The following LMBR1 variants were observed in gnomAD, a reference collection of about 807,000 sequenced individuals.
LMBR1 encodes limb development membrane protein 1.
Under a neutral mutation model 73.9 loss-of-function variants are expected in LMBR1, and 52 were observed. That is an observed-to-expected ratio of 0.70 (90% CI 0.56 to 0.89). The LOEUF is 0.89. Among genes scored for constraint, LMBR1 ranks in the 40% least tolerant of loss-of-function variants. The probability of loss-of-function intolerance (pLI) is 0.00; values close to 1 mark genes in which losing one functional copy is unlikely to be tolerated. For synonymous variants in LMBR1, 215 were observed against 209.4 expected, an observed-to-expected ratio of 1.03 and a Z score of -0.23; for missense variants, 539 against 579.8, an observed-to-expected ratio of 0.93 and a Z score of 0.72.
chr7:156,681,234 C>G lies in LMBR1; in HGVS notation c.*2844G>C. ...GGCTGCAGGGAGGGCCATGGGCACC[C>G]AGCAGATGGGGAGGCCGCACTGCCG... On this transcript the variant is annotated 3_prime_UTR_variant, in exon 17 of 17. Coordinates refer to ENST00000353442, the MANE Select transcript of LMBR1 (RefSeq NM_022458.4). The G allele has an allele frequency of 2.3e-6, 1 of 440,884 alleles. No individual in the cohort carries two copies. Among genetic ancestry groups the G allele is most frequent in the South Asian group, 1.6e-5 (1 of 61,962 alleles). 27.3% of individuals were successfully genotyped at this position (440,884 alleles called of 1,614,324 possible). A position where few individuals can be genotyped will look rare whatever the true frequency, so the allele number is the denominator to read the frequency against.
At chr7:156,788,799 G>C (rs1828638358) in intron 5 of LMBR1, among the ~76,000 whole-genome samples, 1 of 152,214 alleles carries the variant, frequency 6.6e-6, no homozygotes, top group African/African-American at 2.4e-5. Flanking sequence ...TGTAATCCCA[G>C]CACTTTGGGT....
intron 2 of LMBR1, among the ~76,000 whole-genome samples, chr7:156,836,046 G>A (rs915982547): frequency 2.6e-5 from 4 of 152,274 alleles, no homozygotes; most frequent in African/African-American, 9.6e-5. Context: ...TACTTCAAGT[G>A]CAGTCACAGA....
At position 156,798,959 on chromosome 7, in the gene LMBR1, C is replaced by T. The variant is rs759279816; in HGVS notation, c.320-2467G>A. Among the ~76,000 whole-genome samples the T allele has an allele frequency of 5.3e-5, 8 of 151,132 alleles. No individual in the cohort carries two copies. The East Asian group carries it at 5.9e-4, about 11-fold the overall frequency. Reference sequence around the variant, plus strand: ...CTGTAATCCCAGCACTTTGGGAGGCCGAGGCAGGCAGATTACGAGGTCAGG... The same window carrying T: ...CTGTAATCCCAGCACTTTGGGAGGCTGAGGCAGGCAGATTACGAGGTCAGG... On this transcript the variant is annotated intron_variant, in intron 4 of 16. Transcript: ENST00000353442.
chr7:156,875,509 C>A (rs1308018374), intron 1 of LMBR1, among the ~76,000 whole-genome samples: 3 of 152,184 alleles, frequency 2.0e-5, no homozygotes, highest in African/African-American at 7.2e-5. Context: ...CTCCTAGGCA[C>A]ATTGTCATCA....
intron 9 of LMBR1, among the ~76,000 whole-genome samples, chr7:156,745,911 T>C (rs1268281796): frequency 1.3e-5 from 2 of 152,216 alleles, no homozygotes; most frequent in Admixed American, 1.3e-4. Context: ...ATATAATTGA[T>C]ATATTTATGA....
At chr7:156,788,065 T>C (rs111358628) in intron 5 of LMBR1, among the ~76,000 whole-genome samples, 4,840 of 152,336 alleles carry the variant, frequency 0.032, 122 homozygotes, top group South Asian at 0.084. Flanking sequence ...TGAGCCACCA[T>C]ACCTGGCCTA....
chr7:156,767,631 G>A (rs1824335207), intron 5 of LMBR1, among the ~76,000 whole-genome samples: 2 of 151,600 alleles, frequency 1.3e-5, no homozygotes, highest in Admixed American at 1.3e-4. Flanking sequence ...AACAGTAATA[G>A]TAACTAGTAT....
chr7:156,801,643 C>T (rs1167527480), intron 4 of LMBR1, among the ~76,000 whole-genome samples: 2 of 151,980 alleles, frequency 1.3e-5, no homozygotes, highest in Non-Finnish European at 2.9e-5. Flanking sequence ...GTGATCCTCC[C>T]GCCTCAGCCT....
At chr7:156,795,803 G>A (rs767554123) in intron 5 of LMBR1, among the ~76,000 whole-genome samples, 7 of 152,040 alleles carry the variant, frequency 4.6e-5, no homozygotes, top group South Asian at 4.2e-4. Flanking sequence ...CCCTCCTGCC[G>A]CAGCCTCCCA....
chr7:156,863,423 T>G (rs904524541), intron 1 of LMBR1, among the ~76,000 whole-genome samples: 3 of 152,126 alleles, frequency 2.0e-5, no homozygotes, highest in South Asian at 2.1e-4. Flanking sequence ...AGTGTGGGTC[T>G]GCCTTCCCAG....
intron 15 of LMBR1, among the ~76,000 whole-genome samples, chr7:156,695,873 A>G: frequency 6.6e-6 from 1 of 152,074 alleles, no homozygotes; most frequent in Non-Finnish European, 1.5e-5. Flanking sequence ...GATGGAAAAA[A>G]AAAAAGAGAG....
chr7:156,754,535 G>A (rs1482291943), intron 9 of LMBR1, among the ~76,000 whole-genome samples: 1 of 152,128 alleles, frequency 6.6e-6, no homozygotes, highest in Non-Finnish European at 1.5e-5. Context: ...GCAACTCTGT[G>A]ATCAATCAGC....
chr7:156,800,892 T>TA (rs1427013450), intron 4 of LMBR1, among the ~76,000 whole-genome samples: 2 of 152,126 alleles, frequency 1.3e-5, no homozygotes, highest in Non-Finnish European at 2.9e-5. Flanking sequence ...GGACTGGAAT[T>TA]AGAGGTGGAT....
chr7:156,744,145 C>A (rs1331642296), intron 9 of LMBR1, among the ~76,000 whole-genome samples: 1 of 152,054 alleles, frequency 6.6e-6, no homozygotes, highest in African/African-American at 2.4e-5. Flanking sequence ...TGGGCTCGAG[C>A]GTATACTCCC....
intron 1 of LMBR1, among the ~76,000 whole-genome samples, chr7:156,878,025 G>T (rs892787389): frequency 2.4e-4 from 37 of 151,994 alleles, no homozygotes; most frequent in Admixed American, 1.0e-3. Flanking sequence ...AAAACCCTTA[G>T]CAAAATCTAC....
At chr7:156,780,854 C>G (rs1198006411) in intron 5 of LMBR1, among the ~76,000 whole-genome samples, 3 of 152,318 alleles carry the variant, frequency 2.0e-5, no homozygotes, top group East Asian at 1.9e-4. Context: ...CCTTCACCCC[C>G]ACCTCCCCAG....
chr7:156,734,028 A>T lies in LMBR1; in HGVS notation c.838+149T>A, dbSNP rs1817380408. 8.1e-6 allele frequency: 4 copies of T among 494,328 alleles called. No homozygotes were observed. In the South Asian group the frequency reaches 1.8e-4, roughly 23 times the overall value. 30.6% of individuals were successfully genotyped at this position (494,328 alleles called of 1,614,324 possible). A position where few individuals can be genotyped will look rare whatever the true frequency, so the allele number is the denominator to read the frequency against. The stretch of plus-strand genomic sequence containing the variant: ...AAATGTAAACTTATCCTCTCCCCAA[A>T]CTGTAAGATAGTCTTTATTAATGAT... On this transcript the variant is annotated intron_variant, in intron 10 of 16. Coordinates refer to ENST00000353442, the MANE Select transcript of LMBR1 (RefSeq NM_022458.4).
At chr7:156,728,527 C>A in intron 11 of LMBR1, 117 bp downstream of exon 11, 7 of 669,428 alleles carry the variant, frequency 1.0e-5, no homozygotes, top group Non-Finnish European at 1.8e-5. Context: ...GATTTTAATC[C>A]TGTTGATAGA....
intron 4 of LMBR1, among the ~76,000 whole-genome samples, chr7:156,672,342 G>A (rs987325725): frequency 2.0e-5 from 3 of 152,094 alleles, no homozygotes; most frequent in South Asian, 2.1e-4. Flanking sequence ...TATTACCAGC[G>A]TTAAGAACAG....
Sources: gnomAD v4.1 joint callset for allele counts (sites outside exome capture counted in the v4.1 genomes callset) on GRCh38, gnomAD v4.1.1 for gene constraint, MANE v1.5 for transcripts, NCBI Gene and HGNC (gene_info 2026-07-23, HGNC 2026-07-21) for gene names.